SAMD3: variants seen among roughly 807,000 people sequenced by gnomAD.
SAMD3 encodes the protein sterile alpha motif domain-containing protein 3.
In SAMD3, 63 loss-of-function variants were observed where a neutral mutation model predicts 58.5. That is an observed-to-expected ratio of 1.08 (90% confidence interval 0.88 to 1.33). SAMD3 has a LOEUF of 1.33. Among genes scored for constraint, SAMD3 ranks in the 40% most tolerant of loss-of-function variants. The pLI is 0.00. For synonymous variants in SAMD3, 220 were observed against 210.3 expected (o/e 1.05, Z -0.40); for missense variants, 604 against 608.4 (o/e 0.99, Z 0.08).
intron 1 of SAMD3, among the ~76,000 whole-genome samples, chr6:130,327,912 T>C (rs1562524680): frequency 6.6e-6 from 1 of 152,160 alleles, no homozygotes; most frequent in Non-Finnish European, 1.5e-5. Context: ...TTAAAAAGCA[T>C]TTTTTCAAAC....
chr6:130,316,729 C>T (rs9492542), intron 1 of SAMD3, among the ~76,000 whole-genome samples: 58,380 of 151,852 alleles, frequency 0.38, 11,813 homozygotes, highest in African/African-American at 0.51. Flanking sequence ...CCTTAGCATA[C>T]ATTATACACT....
chr6:130,351,743 G>T lies in SAMD3; in HGVS notation c.-304+13377C>A, dbSNP rs112248449. ...TACCCAAAGGATTATAAAACATGCT[G>T]CTCTAAAGACACATGCACACATATG... is the stretch of plus-strand genomic sequence containing the variant. On this transcript the variant is annotated intron_variant, in intron 1 of 13. Transcript: ENST00000368134. 3.3e-5 allele frequency among the ~76,000 whole-genome samples: 5 copies of T among 152,116 alleles called. No individual in the cohort carries two copies. In the South Asian group the frequency reaches 1.0e-3, roughly 32 times the overall value.
In SAMD3 at chr6:130,145,387, C is replaced by T. The variant is rs758972799; in HGVS notation, c.1231G>A (p.Asp411Asn). The T allele has an allele frequency of 6.2e-7, 1 of 1,611,732 alleles. No individual in the cohort carries two copies. Among genetic ancestry groups the T allele is most frequent in the South Asian group, 1.1e-5 (1 of 90,764 alleles). The part of the protein sequence containing the change: ...KMTATCLLLP[D>N]VFGDDPSLFV... ...AGGCTGGGATCATCCCCAAAAACAT[C>T]TGGGAGGAGTAAACATGTGGCTGTC... The change falls in exon 11 of 12, where the codon GAT (aspartate) becomes AAT (asparagine). Residue 411 changes from aspartate (D) to asparagine (N), a missense_variant. Asp to Asn is a conservative substitution (Grantham distance 23). Transcript: ENST00000439090.
intron 2 of SAMD3, among the ~76,000 whole-genome samples, chr6:130,291,530 G>A (rs1775362272): frequency 6.6e-6 from 1 of 152,138 alleles, no homozygotes; most frequent in Admixed American, 6.5e-5. Flanking sequence ...TTTGTGGGTG[G>A]TATCTTGGTG....
intron 1 of SAMD3, among the ~76,000 whole-genome samples, chr6:130,328,666 C>T (rs924274974): frequency 2.6e-5 from 4 of 152,186 alleles, no homozygotes; most frequent in Admixed American, 1.3e-4. Flanking sequence ...CATGCTGACA[C>T]TAGGATCAAT....
chr6:130,247,420 T>A (rs964509413), intron 2 of SAMD3, among the ~76,000 whole-genome samples: 1 of 151,580 alleles, frequency 6.6e-6, no homozygotes, highest in Non-Finnish European at 1.5e-5. Context: ...TGAGCCGAGA[T>A]TGTTCCACTG....
At chr6:130,201,912 C>A (rs1277189481) in intron 5 of SAMD3, among the ~76,000 whole-genome samples, 2 of 152,190 alleles carry the variant, frequency 1.3e-5, no homozygotes, top group African/African-American at 4.8e-5. Context: ...TTCTCCATTT[C>A]TCTTTTGGCA....
rs539112500 is a variant in SAMD3, at chr6:130,222,639, C to G, written c.-68+55G>C. 7.2e-5 allele frequency: 11 copies of G among 152,234 alleles called. 1 individual carries two copies. The South Asian group carries it at 1.0e-3, about 14-fold the overall frequency. The allele number at this position is 152,234 out of a possible 1,614,324, so 9.4% of individuals were successfully genotyped here. ...ATTTTTCTCAATGAAAGAATTTTAT[C>G]TTAATATCAGAAAAGTTAGAGTTTT... is the stretch of plus-strand genomic sequence containing the variant. On this transcript the variant is annotated intron_variant, in intron 1 of 11. Transcript: ENST00000439090.
At chr6:130,331,025 C>G (rs1562525943) in intron 1 of SAMD3, among the ~76,000 whole-genome samples, 1 of 152,148 alleles carries the variant, frequency 6.6e-6, no homozygotes, top group South Asian at 2.1e-4. Flanking sequence ...GCTGGTGCAA[C>G]AGGGAGTAGA....
chr6:130,193,319 C>T (rs1261763925), intron 5 of SAMD3, among the ~76,000 whole-genome samples: 1 of 151,988 alleles, frequency 6.6e-6, no homozygotes, highest in Non-Finnish European at 1.5e-5. Context: ...GGGGCAAGTA[C>T]CCCAACCTCA....
intron 5 of SAMD3, among the ~76,000 whole-genome samples, chr6:130,207,615 A>G (rs1160249617): frequency 6.6e-6 from 1 of 152,218 alleles, no homozygotes; most frequent in Non-Finnish European, 1.5e-5. Flanking sequence ...GGAAAGCTCT[A>G]GGAATCAACC....
intron 2 of SAMD3, among the ~76,000 whole-genome samples, chr6:130,310,226 C>T (rs1054382391): frequency 1.3e-5 from 2 of 152,154 alleles, no homozygotes; most frequent in African/African-American, 4.8e-5. Context: ...GTAATTGCTT[C>T]TGTATCTTTA....
At chr6:130,249,812 G>C (rs1382361552) in intron 2 of SAMD3, among the ~76,000 whole-genome samples, 3 of 152,098 alleles carry the variant, frequency 2.0e-5, no homozygotes, top group Non-Finnish European at 4.4e-5. Flanking sequence ...TTATATTTCT[G>C]AGTAGAACGT....
chr6:130,361,822 G>A lies in SAMD3; in HGVS notation c.-304+3298C>T, dbSNP rs577690567. On this transcript the variant is annotated intron_variant, in intron 1 of 13. Transcript: ENST00000368134. ...GAGAGGCACCCCTTCTTGGGTTGGG[G>A]AAGTATCACTCACACAGTGCCTGAG... is the stretch of plus-strand genomic sequence containing the variant. Among the ~76,000 whole-genome samples the A allele has an allele frequency of 5.3e-5, 8 of 152,278 alleles. No homozygotes were observed. In the South Asian group the frequency reaches 1.5e-3, roughly 28 times the overall value.
In SAMD3 at chr6:130,222,579, A is replaced by T. The variant is rs1443728237; in HGVS notation, c.-68+115T>A. On this transcript the variant is annotated intron_variant, in intron 1 of 11. Transcript: ENST00000439090. ...GAAGTGGCAATCTCTGTTTGGAGGAATTAATGTTTTTTGTTTGTAATCTGC... is the reference window on the plus strand; with the variant it reads ...GAAGTGGCAATCTCTGTTTGGAGGATTTAATGTTTTTTGTTTGTAATCTGC... 2.0e-5 allele frequency: 3 copies of T among 152,362 alleles called. No homozygotes were observed. The East Asian group carries it at 5.8e-4, about 29-fold the overall frequency. The allele number at this position is 152,362 out of a possible 1,614,324, so 9.4% of individuals were successfully genotyped here.
chr6:130,237,000 T>C (rs780508420), intron 2 of SAMD3, among the ~76,000 whole-genome samples: 1 of 152,206 alleles, frequency 6.6e-6, no homozygotes, highest in Non-Finnish European at 1.5e-5. Flanking sequence ...GCTAATAATA[T>C]AAAACCAACT....
chr6:130,293,376 A>G (rs1051958083), intron 2 of SAMD3, among the ~76,000 whole-genome samples: 1 of 152,152 alleles, frequency 6.6e-6, no homozygotes, highest in Non-Finnish European at 1.5e-5. Flanking sequence ...TTGACCCACA[A>G]TGTATCACAA....
intron 8 of SAMD3, chr6:130,160,841 G>T (rs1790221350): frequency 6.6e-6 from 1 of 151,896 alleles, no homozygotes; most frequent in Admixed American, 6.6e-5. Flanking sequence ...GTGGTGAAAA[G>T]AAAAATAAAA....
At chr6:130,346,550 T>C (rs879623866) in intron 1 of SAMD3, among the ~76,000 whole-genome samples, 5 of 152,182 alleles carry the variant, frequency 3.3e-5, no homozygotes, top group Admixed American at 2.6e-4. Context: ...GCCCCATTGC[T>C]GAGGCTTGAG....
Sources: gnomAD v4.1 joint callset for allele counts (sites outside exome capture counted in the v4.1 genomes callset) on GRCh38, gnomAD v4.1.1 for gene constraint, MANE v1.5 for transcripts, NCBI Gene and HGNC (gene_info 2026-07-23, HGNC 2026-07-21) for gene names.